PDS5B: variants seen among roughly 807,000 people sequenced by gnomAD.
The protein encoded by PDS5B is sister chromatid cohesion protein PDS5 homolog B.
In PDS5B, 51 loss-of-function variants were observed where a neutral mutation model predicts 184.1. The ratio of observed to expected loss-of-function variants is 0.28; its 90% CI spans 0.22 to 0.35. The LOEUF is 0.35. Ranked by LOEUF, PDS5B falls within the 10% of genes least tolerant of loss-of-function variation. The pLI, the probability that PDS5B is intolerant of heterozygous loss-of-function variation, is 1.00. For missense variants in PDS5B, 1,180 were observed against 1,723.3 expected (o/e 0.68, Z 5.58); for synonymous variants, 566 against 569.2 (o/e 0.99, Z 0.08).
At chr13:32,640,409 G>C (rs1364770443) in intron 1 of PDS5B, among the ~76,000 whole-genome samples, 2 of 152,044 alleles carry the variant, frequency 1.3e-5, no homozygotes, top group Non-Finnish European at 2.9e-5. Context: ...ACCATGCCCA[G>C]CTAATATTTG....
chr13:32,663,234 T>C (rs1950696670), intron 6 of PDS5B, among the ~76,000 whole-genome samples: 1 of 151,998 alleles, frequency 6.6e-6, no homozygotes, highest in Non-Finnish European at 1.5e-5. Context: ...TTCCTAACTT[T>C]CAGCACACTT....
intron 6 of PDS5B, among the ~76,000 whole-genome samples, chr13:32,660,645 A>C (rs1950618180): frequency 6.6e-6 from 1 of 152,178 alleles, no homozygotes; most frequent in Admixed American, 6.5e-5. Flanking sequence ...TGACTACCAG[A>C]GGCATCTGAG....
intron 1 of PDS5B, among the ~76,000 whole-genome samples, chr13:32,626,070 C>T (rs149744922): frequency 6.6e-6 from 1 of 152,254 alleles, no homozygotes; most frequent in East Asian, 1.9e-4. Context: ...GAACTCCTGA[C>T]CCCGAGTGAT....
chr13:32,697,037 G>A (rs1951727703), intron 15 of PDS5B, 135 bp downstream of exon 15: 1 of 540,800 alleles, frequency 1.8e-6, no homozygotes, highest in Non-Finnish European at 3.2e-6. Context: ...TCTTACATGA[G>A]CTAGAGCTGG....
rs34635708 is a variant in PDS5B at position 32,679,884 on chromosome 13, AGTGTGTGT to A, written c.1057+980_1057+987del. On this transcript the variant is annotated intron_variant, in intron 10 of 34. Transcript: ENST00000315596. The stretch of plus-strand genomic sequence containing the variant: ...TTCCCTCCTTTCCTCTTCGTCTGTG[AGTGTGTGT>A]GTGTGTGTGTGTGTGTGTGTGTGTC... 1.1e-3 allele frequency among the ~76,000 whole-genome samples: 152 copies of A among 143,728 alleles called. 1 individual carries two copies. Among genetic ancestry groups the A allele is most frequent in the African/African-American group, 3.6e-3 (137 of 37,890 alleles). The allele number at this position is 143,728 out of a possible 152,430, so 94.3% of individuals were successfully genotyped here.
At chr13:32,754,072 C>T (rs928590582) in intron 25 of PDS5B, among the ~76,000 whole-genome samples, 6 of 152,044 alleles carry the variant, frequency 3.9e-5, no homozygotes, top group African/African-American at 7.2e-5. Context: ...TCCTCTCATC[C>T]GTCACCAAAT....
intron 21 of PDS5B, among the ~76,000 whole-genome samples, chr13:32,739,938 T>C (rs992657122): frequency 1.1e-4 from 16 of 152,174 alleles, no homozygotes; most frequent in African/African-American, 3.9e-4. Context: ...CCTGATAGTC[T>C]CTGTTGTTTC....
chr13:32,751,479 T>C (rs1274307682), intron 24 of PDS5B, among the ~76,000 whole-genome samples: 2 of 152,190 alleles, frequency 1.3e-5, no homozygotes, highest in Non-Finnish European at 2.9e-5. Context: ...CTCACCAGCA[T>C]TGTATTAGTG....
intron 31 of PDS5B, 34 bp from the exon 32 acceptor site, chr13:32,770,087 A>C: frequency 6.5e-7 from 1 of 1,540,390 alleles, no homozygotes; most frequent in Non-Finnish European, 8.7e-7. Context: ...TCACAATTTC[A>C]TAACCATAAA....
At position 32,775,932 on chromosome 13, in the gene PDS5B, G is replaced by A. The variant is rs1272389934; in HGVS notation, c.*880G>A. On this transcript the variant is annotated 3_prime_UTR_variant, in exon 35 of 35. Coordinates refer to ENST00000315596, the MANE Select transcript of PDS5B (RefSeq NM_015032.4). Reference sequence around the variant, plus strand: ...GTTTTTAATAGTCTAGAATGTTATTGTGTATAGATATTTCCTCTTGAACGT... The same window carrying A: ...GTTTTTAATAGTCTAGAATGTTATTATGTATAGATATTTCCTCTTGAACGT... 1 of 239,404 alleles carries A rather than the reference G, an allele frequency of 4.2e-6. No homozygotes were observed. Among genetic ancestry groups the A allele is most frequent in the African/African-American group, 2.3e-5 (1 of 43,074 alleles). The allele number at this position is 239,404 out of a possible 1,614,324, so 14.8% of individuals were successfully genotyped here. A position where few individuals can be genotyped will look rare whatever the true frequency, so the allele number is the denominator to read the frequency against.
intron 7 of PDS5B, among the ~76,000 whole-genome samples, chr13:32,668,287 G>A (rs1172236942): frequency 1.3e-5 from 2 of 152,128 alleles, no homozygotes; most frequent in Non-Finnish European, 2.9e-5. Context: ...AATGGCAGTA[G>A]TGATTTAGTA....
chr13:32,653,947 TG>T (rs1488570605), intron 3 of PDS5B, among the ~76,000 whole-genome samples: 3 of 152,132 alleles, frequency 2.0e-5, no homozygotes, highest in Non-Finnish European at 2.9e-5. Flanking sequence ...TTCAGGGCTT[TG>T]GGGGTAACGA....
At chr13:32,741,701 G>C (rs373904690) in intron 22 of PDS5B, among the ~76,000 whole-genome samples, 28 of 18,518 alleles carry the variant, frequency 1.5e-3, no homozygotes, top group African/African-American at 3.5e-3. Flanking sequence ...CTTTCAGTCT[G>C]TGTGTGTGTG....
intron 19 of PDS5B, among the ~76,000 whole-genome samples, chr13:32,731,523 C>T (rs947470640): frequency 1.4e-5 from 2 of 147,642 alleles, no homozygotes; most frequent in Non-Finnish European, 1.5e-5. Context: ...ATTTTTTTCT[C>T]TGTAGCAGTT....
At chr13:32,607,694 TG>T (rs1386046975) in intron 1 of PDS5B, among the ~76,000 whole-genome samples, 1 of 67,164 alleles carries the variant, frequency 1.5e-5, no homozygotes, top group Non-Finnish European at 3.8e-5. Context: ...TTAGCTGGGG[TG>T]GGGTGGGCTC....
At chr13:32,745,148 A>C (rs750085876) in intron 23 of PDS5B, among the ~76,000 whole-genome samples, 2 of 84,926 alleles carry the variant, frequency 2.4e-5, no homozygotes, top group Non-Finnish European at 4.7e-5. Flanking sequence ...TAATATTTGA[A>C]AAGTTGAATT....
At chr13:32,669,014 T>C (rs972656352) in intron 7 of PDS5B, among the ~76,000 whole-genome samples, 2 of 152,188 alleles carry the variant, frequency 1.3e-5, no homozygotes, top group Non-Finnish European at 2.9e-5. Context: ...TCTTAATTGC[T>C]CCAAGATTTT....
At chr13:32,617,172 GCCGTAT>G (rs1566250860) in intron 1 of PDS5B, among the ~76,000 whole-genome samples, 1 of 152,176 alleles carries the variant, frequency 6.6e-6, no homozygotes, top group African/African-American at 2.4e-5. Context: ...TAGAAGAATT[GCCGTAT>G]CCCAATCAGC....
chr13:32,679,285 A>C (rs1413090717), intron 10 of PDS5B, among the ~76,000 whole-genome samples: 1 of 152,212 alleles, frequency 6.6e-6, no homozygotes, highest in Admixed American at 6.5e-5. Flanking sequence ...AAATAAGTTT[A>C]GAATTGTCCT....
Sources: gnomAD v4.1 joint callset for allele counts (sites outside exome capture counted in the v4.1 genomes callset) on GRCh38, gnomAD v4.1.1 for gene constraint, MANE v1.5 for transcripts, NCBI Gene and HGNC (gene_info 2026-07-23, HGNC 2026-07-21) for gene names.